DCAF17: variants seen among roughly 807,000 people sequenced by gnomAD.
DCAF17 encodes the protein DDB1 and CUL4 associated factor 17.
DCAF17 carries 48 observed loss-of-function variants against 66.0 expected under a neutral mutation model. The ratio of observed to expected loss-of-function variants is 0.73; its 90% confidence interval spans 0.58 to 0.92. The LOEUF (loss-of-function observed/expected upper bound fraction) is 0.92, where lower values mean the gene tolerates loss of function less well. Ranked by LOEUF, DCAF17 falls within the 40% of genes least tolerant of loss-of-function variation. The pLI is 0.00. For synonymous variants in DCAF17, 206 were observed against 214.6 expected (o/e 0.96, Z 0.35); for missense variants, 562 against 622.8 (o/e 0.90, Z 1.04).
intron 5 of DCAF17, among the ~76,000 whole-genome samples, chr2:171,450,796 A>G (rs1694907056): frequency 6.6e-6 from 1 of 152,072 alleles, no homozygotes; most frequent in Non-Finnish European, 1.5e-5. Flanking sequence ...CTTTACCTGT[A>G]TTTACTAATT....
Position 171,482,287 on chromosome 2 carries a change from A to G in DCAF17, c.*1173A>G, listed in dbSNP as rs1407331737. ...GTAATAAGGGAAGGAAACAGCAGCAACAATCATTGCTGATTCAAGTTTAAG... is the reference window on the plus strand; with the variant it reads ...GTAATAAGGGAAGGAAACAGCAGCAGCAATCATTGCTGATTCAAGTTTAAG... On this transcript the variant is annotated 3_prime_UTR_variant, in exon 14 of 14. Transcript: ENST00000375255. 4.4e-6 allele frequency: 2 copies of G among 454,016 alleles called. No homozygotes were observed. The highest frequency in any genetic ancestry group is 4.7e-5 in the Admixed American group (2 of 42,566). The allele number at this position is 454,016 out of a possible 1,614,324, so 28.1% of individuals were successfully genotyped here. A position where few individuals can be genotyped will look rare whatever the true frequency, so the allele number is the denominator to read the frequency against.
rs777239060 is a variant in DCAF17, at chr2:171,435,056, TG to T, written c.127-26del. ...AACTTAAAGCCTAAGAGTTCTTTCC[TG>T]AACGGAAATTCTTTATGTCTTTTAG... On this transcript the variant is annotated intron_variant, in intron 1 of 13. Transcript: ENST00000375255. The T allele has an allele frequency of 5.3e-6, 8 of 1,519,194 alleles. No homozygotes were observed. In the South Asian group the frequency reaches 7.9e-5, roughly 15 times the overall value. The allele number at this position is 1,519,194 out of a possible 1,614,324, so 94.1% of individuals were successfully genotyped here.
chr2:171,467,828 G>T (rs1209433037), intron 8 of DCAF17, among the ~76,000 whole-genome samples: 1 of 150,480 alleles, frequency 6.6e-6, no homozygotes, highest in African/African-American at 2.4e-5. Flanking sequence ...TGAACCATTT[G>T]TGTTTTTTTC....
At chr2:171,454,193 A>G (rs1246808659) in intron 6 of DCAF17, among the ~76,000 whole-genome samples, 1 of 152,060 alleles carries the variant, frequency 6.6e-6, no homozygotes, top group Non-Finnish European at 1.5e-5. Flanking sequence ...TAAAAAATAA[A>G]AAGCAGCTAC....
chr2:171,460,132 G>A (rs1471925988), intron 8 of DCAF17, among the ~76,000 whole-genome samples: 1 of 152,102 alleles, frequency 6.6e-6, no homozygotes, highest in East Asian at 1.9e-4. Flanking sequence ...AGACCAGCCT[G>A]GCTAACATGG....
chr2:171,439,486 T>A (rs1483553811), intron 2 of DCAF17, among the ~76,000 whole-genome samples: 1 of 151,530 alleles, frequency 6.6e-6, no homozygotes, highest in Non-Finnish European at 1.5e-5. Flanking sequence ...TGGTGTTTTT[T>A]GATTTCTAGT....
chr2:171,463,801 C>T (rs1695736808), intron 8 of DCAF17, among the ~76,000 whole-genome samples: 1 of 152,180 alleles, frequency 6.6e-6, no homozygotes, highest in Non-Finnish European at 1.5e-5. Context: ...CAATAGCTGG[C>T]ATTTTTCTAG....
intron 9 of DCAF17, among the ~76,000 whole-genome samples, chr2:171,469,679 A>G (rs151139278): frequency 6.6e-6 from 1 of 152,214 alleles, no homozygotes; most frequent in Admixed American, 6.5e-5. Flanking sequence ...CCCTCAAGTT[A>G]TACTCTTAAA....
chr2:171,444,025 AG>A (rs1474718056), intron 3 of DCAF17, among the ~76,000 whole-genome samples: 2 of 152,194 alleles, frequency 1.3e-5, no homozygotes, highest in African/African-American at 4.8e-5. Context: ...ATAAAATAAT[AG>A]GATAAGCTCA....
rs1361450353 is a variant in DCAF17 at position 171,481,055 on chromosome 2, G to A, written c.1504G>A (p.Val502Ile). The A allele has an allele frequency of 8.7e-6, 14 of 1,613,652 alleles. No individual in the cohort carries two copies. Among genetic ancestry groups the A allele is most frequent in the African/African-American group, 1.3e-5 (1 of 74,904 alleles). Reference sequence around the variant, plus strand: ...ACCCAACAGAGTCTTCAGCTGCTATGTTTACCAGATGATATGTGACACTGG... The same window carrying A: ...ACCCAACAGAGTCTTCAGCTGCTATATTTACCAGATGATATGTGACACTGG... ...QKPNRVFSCY[V>I]YQMICDTGEE... is the part of the protein sequence containing the mutation. The change falls in exon 14 of 14, where the codon GTT becomes ATT. Residue 502 changes from valine to isoleucine, a missense_variant. Physicochemically the swap from Val to Ile is conservative, Grantham distance 29. Transcript: ENST00000375255.
At chr2:171,464,197 G>A (rs952528900) in intron 8 of DCAF17, among the ~76,000 whole-genome samples, 26 of 152,130 alleles carry the variant, frequency 1.7e-4, no homozygotes, top group Admixed American at 1.7e-3. Context: ...ATTAGAGAAC[G>A]TCATTAGAGA....
intron 4 of DCAF17, among the ~76,000 whole-genome samples, chr2:171,449,334 GTAAC>G (rs1331119697): frequency 6.6e-6 from 1 of 151,900 alleles, no homozygotes; most frequent in Non-Finnish European, 1.5e-5. Context: ...TCCCTAATAA[GTAAC>G]TAACCTGTAA....
At chr2:171,448,960 C>A in intron 4 of DCAF17, 143 bp downstream of exon 4, 1 of 722,282 alleles carries the variant, frequency 1.4e-6, no homozygotes, top group East Asian at 2.7e-5. Flanking sequence ...TTTTTCTCCC[C>A]TCATGACTAC....
Position 171,435,173 on chromosome 2 carries a change from C to T in DCAF17, c.217C>T (p.Arg73Cys), listed in dbSNP as rs766629618. 4 of 1,612,418 alleles carry T rather than the reference C, an allele frequency of 2.5e-6. No homozygotes were observed. Among genetic ancestry groups the T allele is most frequent in the East Asian group, 2.2e-5 (1 of 44,856 alleles). The change falls in exon 2 of 14, where the codon CGC becomes TGC. Residue 73 changes from arginine to cysteine, a missense_variant. Physicochemically the swap from Arg to Cys is radical, Grantham distance 180. Transcript: ENST00000375255. Reference protein sequence around the residue: ...RGRIYFDNYRRCVSSVASEPR... With the variant: ...RGRIYFDNYRCCVSSVASEPR... ...AAGAATATATTTTGACAATTATCGG[C>T]GCTGTGTCAGCAGGTAACTTTTTAT...
intron 2 of DCAF17, among the ~76,000 whole-genome samples, chr2:171,435,809 A>G (rs1693879990): frequency 6.6e-6 from 1 of 152,178 alleles, no homozygotes; most frequent in South Asian, 2.1e-4. Context: ...TAAAAAAATG[A>G]GCTTTTTTTA....
intron 12 of DCAF17, 113 bp downstream of exon 12, chr2:171,478,183 C>T (rs1407694505): frequency 1.1e-6 from 1 of 918,420 alleles, no homozygotes; most frequent in Middle Eastern, 2.1e-4. Context: ...GGGTTGCAGG[C>T]AGGCCAGTTG....
chr2:171,458,508 TA>T (rs1412749464), intron 8 of DCAF17, 31 bp downstream of exon 8: 11 of 1,516,084 alleles, frequency 7.3e-6, no homozygotes, highest in East Asian at 4.5e-5. Flanking sequence ...TTTTTCACCT[TA>T]AAAAAATTAA....
At chr2:171,480,724 G>T (rs1190686304) in intron 13 of DCAF17, among the ~76,000 whole-genome samples, 1 of 152,134 alleles carries the variant, frequency 6.6e-6, no homozygotes, top group South Asian at 2.1e-4. Context: ...TAATAGCAGC[G>T]TTGGCAATAG....
chr2:171,475,516 G>T (rs1460294226), intron 10 of DCAF17, among the ~76,000 whole-genome samples: 2 of 152,150 alleles, frequency 1.3e-5, no homozygotes, highest in East Asian at 1.9e-4. Flanking sequence ...CTATAATCCT[G>T]CACTTTGGGA....
Sources: gnomAD v4.1 joint callset for allele counts (sites outside exome capture counted in the v4.1 genomes callset) on GRCh38, gnomAD v4.1.1 for gene constraint, MANE v1.5 for transcripts, NCBI Gene and HGNC (gene_info 2026-07-23, HGNC 2026-07-21) for gene names.